The following C17orf78 variants were observed in gnomAD, a reference collection of about 807,000 sequenced individuals.
The protein encoded by C17orf78 is chromosome 17 open reading frame 78, also known as uncharacterized protein C17orf78.
Under a neutral mutation model 31.8 loss-of-function variants are expected in C17orf78, and 27 were observed. The observed-to-expected ratio is 0.85, with a 90% confidence interval of 0.63 to 1.17. C17orf78 has a LOEUF of 1.17. Ranked by LOEUF, C17orf78 falls within the 50% of genes most tolerant of loss-of-function variation. The pLI is 0.00. For missense variants in C17orf78, 258 were observed against 315.2 expected (o/e 0.82, Z 1.37); for synonymous variants, 106 against 115.1 (o/e 0.92, Z 0.51).
Position 37,391,808 on chromosome 17 carries a change from C to T in C17orf78, c.*84C>T. On this transcript the variant is annotated 3_prime_UTR_variant, in exon 7 of 7. Transcript: ENST00000615133. The stretch of plus-strand genomic sequence containing the variant: ...TGGGCACATTCTTGCCAATTTCACA[C>T]TTGTATCTTCAGCAGGGACATTACA... The T allele has an allele frequency of 5.1e-6, 6 of 1,184,086 alleles. No homozygotes were observed. Among genetic ancestry groups the T allele is most frequent in the Non-Finnish European group, 7.5e-6 (6 of 797,862 alleles). The allele number at this position is 1,184,086 out of a possible 1,614,324, so 73.3% of individuals were successfully genotyped here.
Position 37,391,742 on chromosome 17 carries a change from CAA to C in C17orf78, c.*20_*21del. 1 of 1,601,748 alleles carries C rather than the reference CAA, an allele frequency of 6.2e-7. No homozygotes were observed. Among genetic ancestry groups the C allele is most frequent in the Non-Finnish European group, 8.6e-7 (1 of 1,169,112 alleles). On this transcript the variant is annotated 3_prime_UTR_variant, in exon 7 of 7. Transcript: ENST00000615133. ...ACTTCTGAAAAGTTCTGCTCTATCTCAAAGACTGAATGATACTACACAGTCCT... is the reference window on the plus strand; with the variant it reads ...ACTTCTGAAAAGTTCTGCTCTATCTCAGACTGAATGATACTACACAGTCCT...
chr17:37,377,942 G>A lies in C17orf78; in HGVS notation c.122G>A (p.Ser41Asn). ...GGGATCTTCCCAAAAGACGTGAGAA[G>A]CATCAGAGAATTGCAAATGCAAGGT... ...LPGIFPKDVR[S>N]IRELQMQETH... Residue 41 changes from serine (S) to asparagine (N), a missense_variant, in exon 2 of 7, where the codon AGC becomes AAC. Transcript: ENST00000615133. 1 of 1,613,678 alleles carries A rather than the reference G, an allele frequency of 6.2e-7. No individual in the cohort carries two copies. The highest frequency in any genetic ancestry group is 1.1e-5 in the South Asian group (1 of 91,042).
chr17:37,381,654 G>T, intron 3 of C17orf78, among the ~76,000 whole-genome samples: 1 of 131,690 alleles, frequency 7.6e-6, no homozygotes. Context: ...TTGAGACAGA[G>T]TCTCGCTCCG....
chr17:37,380,977 C>T (rs776227494), intron 3 of C17orf78, among the ~76,000 whole-genome samples: 69 of 151,646 alleles, frequency 4.6e-4, no homozygotes, highest in Non-Finnish European at 7.9e-4. Flanking sequence ...AAAAGTAAGT[C>T]TCTCTCCTAC....
intron 1 of C17orf78, among the ~76,000 whole-genome samples, 161 bp from the exon 2 acceptor site, chr17:37,377,718 T>C (rs1354571978): frequency 1.3e-5 from 2 of 151,922 alleles, no homozygotes; most frequent in Non-Finnish European, 2.9e-5. Flanking sequence ...TAAAGTCTTT[T>C]TAGAGAGTGT....
At chr17:37,390,210 T>C (rs1417728189) in intron 6 of C17orf78, among the ~76,000 whole-genome samples, 1 of 78,974 alleles carries the variant, frequency 1.3e-5, no homozygotes, top group Non-Finnish European at 2.1e-5. Flanking sequence ...TATATAATTA[T>C]ATATTTATTA....
At position 37,386,101 on chromosome 17, in the gene C17orf78, G is replaced by A; in HGVS notation, c.484G>A (p.Glu162Lys). ...CCCTTCTATAACTCCTGGGAATAAA[G>A]AAGGAGAGAAAACTACAAGTACCGG... ...TAPSITPGNK[E>K]GEKTTSTDTD... The change falls in exon 4 of 7, where the codon GAA becomes AAA. Residue 162 changes from glutamate (E) to lysine (K), a missense_variant. Glu to Lys is a moderately conservative substitution (Grantham distance 56). Transcript: ENST00000615133. 6.3e-7 allele frequency: 1 copy of A among 1,588,476 alleles called. No homozygotes were observed. Among genetic ancestry groups the A allele is most frequent in the Non-Finnish European group, 8.6e-7 (1 of 1,160,428 alleles).
chr17:37,379,435 T>C, intron 3 of C17orf78, 53 bp downstream of exon 3: 1 of 1,565,192 alleles, frequency 6.4e-7, no homozygotes, highest in Non-Finnish European at 8.7e-7. Flanking sequence ...TTGACATCCT[T>C]GAAGGCAGCC....
chr17:37,381,254 C>T (rs560193167), intron 3 of C17orf78, among the ~76,000 whole-genome samples: 7 of 152,072 alleles, frequency 4.6e-5, no homozygotes, highest in East Asian at 1.9e-4. Context: ...GGCGCGATCT[C>T]GTCTCACTGC....
At chr17:37,387,872 G>A (rs2050614121) in intron 4 of C17orf78, 1 of 152,080 alleles carries the variant, frequency 6.6e-6, no homozygotes, top group African/African-American at 2.4e-5. Flanking sequence ...ATAATGAGAT[G>A]CACATTAGGG....
chr17:37,381,731 C>T (rs1280254163), intron 3 of C17orf78, among the ~76,000 whole-genome samples: 28 of 150,826 alleles, frequency 1.9e-4, no homozygotes, highest in African/African-American at 6.6e-4. Context: ...GGGTTCACGC[C>T]ATTCTCCTGC....
At chr17:37,383,262 C>A (rs879555627) in intron 3 of C17orf78, among the ~76,000 whole-genome samples, 35 of 152,008 alleles carry the variant, frequency 2.3e-4, no homozygotes, top group Non-Finnish European at 4.7e-4. Flanking sequence ...GACATTAGCT[C>A]TTAGAAATTG....
intron 6 of C17orf78, among the ~76,000 whole-genome samples, chr17:37,391,178 C>T (rs1007820166): frequency 2.0e-5 from 3 of 152,060 alleles, no homozygotes; most frequent in East Asian, 1.9e-4. Context: ...GCACAGGCTG[C>T]GGTGAGCTGA....
rs1351612904 is a variant in C17orf78 at position 37,388,724 on chromosome 17, T to G, written c.563T>G (p.Leu188Arg). 1 of 1,612,246 alleles carries G rather than the reference T, an allele frequency of 6.2e-7. No individual in the cohort carries two copies. The highest frequency in any genetic ancestry group is 8.5e-7 in the Non-Finnish European group (1 of 1,178,670). ...AAATGGAGTATTGTGGTCAAAATTC[T>G]GATTGCTGTCACCCTGTTGCTCAGT... ...RQKWSIVVKI[L>R]IAVTLLLSGV... Residue 188 changes from leucine to arginine, a missense_variant, in exon 5 of 7, where the codon CTG (leucine) becomes CGG (arginine). Physicochemically the swap from Leu to Arg is moderately radical, Grantham distance 102. Transcript: ENST00000615133.
At chr17:37,389,843 T>C (rs2050715134) in intron 6 of C17orf78, among the ~76,000 whole-genome samples, 1 of 151,842 alleles carries the variant, frequency 6.6e-6, no homozygotes, top group Non-Finnish European at 1.5e-5. Context: ...CAATCCTTCT[T>C]ATGTCAGGAA....
chr17:37,391,392 G>A (rs959453859), intron 6 of C17orf78, among the ~76,000 whole-genome samples: 2 of 152,208 alleles, frequency 1.3e-5, no homozygotes, highest in African/African-American at 4.8e-5. Context: ...TTACACAGCT[G>A]TTAGAAACAG....
chr17:37,383,524 G>A (rs1263763863), intron 3 of C17orf78, among the ~76,000 whole-genome samples: 1 of 152,150 alleles, frequency 6.6e-6, no homozygotes, highest in Non-Finnish European at 1.5e-5. Context: ...ACATTTTTAT[G>A]AAACCATAAT....
chr17:37,378,367 G>C (rs1485679986), intron 2 of C17orf78, among the ~76,000 whole-genome samples: 2 of 152,218 alleles, frequency 1.3e-5, no homozygotes, highest in South Asian at 4.1e-4. Context: ...CAGCAGTGGA[G>C]TTTAGCAGGG....
At chr17:37,377,556 A>G (rs1488663040) in intron 1 of C17orf78, among the ~76,000 whole-genome samples, 3 of 151,992 alleles carry the variant, frequency 2.0e-5, no homozygotes, top group Non-Finnish European at 4.4e-5. Context: ...GCTACTCGGG[A>G]GGCTGAGGCA....
Sources: gnomAD v4.1 joint callset for allele counts (sites outside exome capture counted in the v4.1 genomes callset) on GRCh38, gnomAD v4.1.1 for gene constraint, MANE v1.5 for transcripts, NCBI Gene and HGNC (gene_info 2026-07-23, HGNC 2026-07-21) for gene names.